Variants in SLC37A1 observed in about 807,000 individuals in gnomAD.
SLC37A1 encodes the protein glucose-6-phosphate exchanger SLC37A1.
A neutral mutation model predicts 75.3 loss-of-function variants in SLC37A1; 49 were observed. The observed-to-expected ratio is 0.65, with a 90% CI of 0.52 to 0.83. The LOEUF (loss-of-function observed/expected upper bound fraction) is 0.83, where lower values mean the gene tolerates loss of function less well. Among genes scored for constraint, SLC37A1 ranks in the 40% least tolerant of loss-of-function variants. The pLI is 0.00. For missense variants in SLC37A1, 566 were observed against 695.0 expected (o/e 0.81, Z 2.09); for synonymous variants, 268 against 292.1 (o/e 0.92, Z 0.84).
chr21:42,539,934 T>C (rs1269929858), intron 6 of SLC37A1, among the ~76,000 whole-genome samples: 1 of 152,208 alleles, frequency 6.6e-6, no homozygotes, highest in Non-Finnish European at 1.5e-5. Flanking sequence ...TCACTCTGTC[T>C]TCATGTGGAT....
chr21:42,499,928 C>G (rs2054325847), intron 1 of SLC37A1, among the ~76,000 whole-genome samples: 1 of 152,250 alleles, frequency 6.6e-6, no homozygotes, highest in Non-Finnish European at 1.5e-5. Flanking sequence ...ACTGTTGAAA[C>G]CACCCTGGGG....
At position 42,563,798 on chromosome 21, in the gene SLC37A1, C is replaced by T. The variant is rs373033650; in HGVS notation, c.1073-17C>T. ...AGGAGATCCTCACTGTTTCACACTC[C>T]GTTGTCATTTCAATAGATCACCTTG... On this transcript the variant is annotated splice_polypyrimidine_tract_variant and intron_variant, in intron 12 of 19. Coordinates refer to ENST00000352133, the MANE Select transcript of SLC37A1 (RefSeq NM_001320537.2). 24 of 1,613,674 alleles carry T rather than the reference C, an allele frequency of 1.5e-5. No homozygotes were observed. Among genetic ancestry groups the T allele is most frequent in the East Asian group, 1.3e-4 (6 of 44,904 alleles).
chr21:42,524,660 T>A (rs2054734916), intron 2 of SLC37A1, among the ~76,000 whole-genome samples: 1 of 152,270 alleles, frequency 6.6e-6, no homozygotes, highest in African/African-American at 2.4e-5. Context: ...ACTAAACATT[T>A]CATCGTGCTT....
At chr21:42,549,451 G>A (rs1031229301) in intron 9 of SLC37A1, among the ~76,000 whole-genome samples, 11 of 152,232 alleles carry the variant, frequency 7.2e-5, no homozygotes, top group Admixed American at 5.9e-4. Flanking sequence ...GTGCCCAGGT[G>A]TCCCCGACGT....
intron 17 of SLC37A1, among the ~76,000 whole-genome samples, chr21:42,569,969 GTTT>G (rs2056085892): frequency 2.6e-5 from 4 of 151,352 alleles, no homozygotes; most frequent in African/African-American, 9.7e-5. Flanking sequence ...CTTGTTCTGC[GTTT>G]CCTTGTTCTG....
chr21:42,530,652 A>ACCCCCC (rs905052485), intron 3 of SLC37A1, among the ~76,000 whole-genome samples: 48 of 25,066 alleles, frequency 1.9e-3, no homozygotes, highest in Non-Finnish European at 2.5e-3. Flanking sequence ...ACACACACAC[A>ACCCCCC]CACCCCCTCT....
intron 17 of SLC37A1, 80 bp from the exon 18 acceptor site, chr21:42,574,738 G>C: frequency 7.3e-7 from 1 of 1,364,754 alleles, no homozygotes; most frequent in Admixed American, 1.8e-5. Context: ...GAGGTGTTGA[G>C]CCCCATTCTC....
chr21:42,547,230 G>C lies in SLC37A1; in HGVS notation c.768+90G>C. 1 of 1,391,272 alleles carries C rather than the reference G, an allele frequency of 7.2e-7. No individual in the cohort carries two copies. Among genetic ancestry groups the C allele is most frequent in the Non-Finnish European group, 1.0e-6 (1 of 978,726 alleles). The allele number at this position is 1,391,272 out of a possible 1,614,324, so 86.2% of individuals were successfully genotyped here. The stretch of plus-strand genomic sequence containing the variant: ...GCTCCTGCCTGTGCGGTGTCAGACA[G>C]AAACACACAGGGTAGACAGAAGTCC... On this transcript the variant is annotated intron_variant, in intron 9 of 19. Coordinates refer to ENST00000352133, the MANE Select transcript of SLC37A1 (RefSeq NM_001320537.2). The surrounding 1 kb of genome is among the most constrained non-coding windows in gnomAD (Gnocchi z 6.1).
upstream of SLC37A1, among the ~76,000 whole-genome samples, chr21:42,508,897 G>C (rs1183001632): frequency 6.6e-6 from 1 of 152,150 alleles, no homozygotes; most frequent in African/African-American, 2.4e-5. Flanking sequence ...CCTTATAAAT[G>C]GGTGTTTGTC....
At chr21:42,558,505 T>TA (rs2055745697) in intron 10 of SLC37A1, among the ~76,000 whole-genome samples, 1 of 152,254 alleles carries the variant, frequency 6.6e-6, no homozygotes, top group African/African-American at 2.4e-5. Flanking sequence ...CATACGTAGA[T>TA]ATTTAAACAT....
rs200911388 is a variant in SLC37A1, at chr21:42,562,160, C to G, written c.1064C>G (p.Thr355Arg). The change falls in exon 12 of 20, where the codon ACG (threonine) becomes AGG (arginine). Residue 355 changes from threonine to arginine, a missense_variant. Coordinates refer to ENST00000352133, the MANE Select transcript of SLC37A1 (RefSeq NM_001320537.2). ...TFLFWLPLYI[T>R]NVDHLDAKKA... ...CTCTTCTGGCTGCCCCTGTACATCA[C>G]GAATGTGGGTGAGTATCCACGCTAG... 3.7e-6 allele frequency: 6 copies of G among 1,613,948 alleles called. No homozygotes were observed. Among genetic ancestry groups the G allele is most frequent in the East Asian group, 2.2e-5 (1 of 44,888 alleles).
chr21:42,576,924 T>A (rs2056320682), intron 18 of SLC37A1, among the ~76,000 whole-genome samples: 2 of 152,328 alleles, frequency 1.3e-5, no homozygotes, highest in Admixed American at 6.5e-5. Context: ...TGAGATGGCC[T>A]AAAGTTATCT....
intron 15 of SLC37A1, among the ~76,000 whole-genome samples, chr21:42,566,615 C>T (rs1010223284): frequency 6.6e-6 from 1 of 152,102 alleles, no homozygotes; most frequent in Non-Finnish European, 1.5e-5. Flanking sequence ...GAGTGTGAGC[C>T]TAGAGGAGAG....
chr21:42,500,467 A>T (rs984481256), intron 1 of SLC37A1, among the ~76,000 whole-genome samples: 1 of 152,320 alleles, frequency 6.6e-6, no homozygotes, highest in Non-Finnish European at 1.5e-5. Flanking sequence ...AGATATTCAT[A>T]ATGAGAGTAG....
rs565243708 is a variant in SLC37A1 at position 42,575,132 on chromosome 21, G to A, written c.1521+217G>A. On this transcript the variant is annotated intron_variant, in intron 18 of 19. Transcript: ENST00000352133. ...ACAGTCTTGCTCTGCAGCCTTGGGCGGGATAGCACAAAGGCCAGGAGCGTG... is the reference window on the plus strand; with the variant it reads ...ACAGTCTTGCTCTGCAGCCTTGGGCAGGATAGCACAAAGGCCAGGAGCGTG... The A allele has an allele frequency of 2.4e-4, 237 of 985,468 alleles. No homozygotes were observed. In the African/African-American group the frequency reaches 3.2e-3, roughly 13 times the overall value. 61.0% of individuals were successfully genotyped at this position (985,468 alleles called of 1,614,324 possible). A position where few individuals can be genotyped will look rare whatever the true frequency, so the allele number is the denominator to read the frequency against.
At chr21:42,517,411 C>T (rs1046745400) in intron 1 of SLC37A1, among the ~76,000 whole-genome samples, 2 of 152,082 alleles carry the variant, frequency 1.3e-5, no homozygotes, top group Non-Finnish European at 2.9e-5. Context: ...AGATGAGGGG[C>T]GGCTCCTGGG....
rs574664617 is a variant in SLC37A1, at chr21:42,566,932, G to A, written c.1271-53G>A. On this transcript the variant is annotated intron_variant, in intron 15 of 19. Coordinates refer to ENST00000352133, the MANE Select transcript of SLC37A1 (RefSeq NM_001320537.2). ...CCCACCTCAGGCTGCTCCTATGCAT[G>A]CGGGGCTCTCTGGAGGGCACATTTC... is the stretch of plus-strand genomic sequence containing the variant. The A allele has an allele frequency of 1.1e-4, 169 of 1,569,768 alleles. No homozygotes were observed. The African/African-American group carries it at 2.0e-3, about 19-fold the overall frequency.
In SLC37A1 at chr21:42,514,916, C is replaced by T. The variant is rs1388707517; in HGVS notation, c.-179+199C>T. On this transcript the variant is annotated intron_variant, in intron 1 of 19. Transcript: ENST00000352133. The surrounding 1 kb of genome is among the most constrained non-coding windows in gnomAD (Gnocchi z 4.8). ...GCCTGCCTGCCTGCCGGCCCTTGAACTTAAATCGTCTGAAGTTGTGTAAGT... is the reference window on the plus strand; with the variant it reads ...GCCTGCCTGCCTGCCGGCCCTTGAATTTAAATCGTCTGAAGTTGTGTAAGT... 1 of 152,458 alleles carries T rather than the reference C, an allele frequency of 6.6e-6. No homozygotes were observed. The highest frequency in any genetic ancestry group is 1.5e-5 in the Non-Finnish European group (1 of 68,218). 9.4% of individuals were successfully genotyped at this position (152,458 alleles called of 1,614,324 possible).
At chr21:42,500,813 G>A (rs142985028) in intron 1 of SLC37A1, among the ~76,000 whole-genome samples, 5 of 152,184 alleles carry the variant, frequency 3.3e-5, no homozygotes, top group East Asian at 1.9e-4. Flanking sequence ...ATTCTTAAGC[G>A]TAAGTAGGTA....
Sources: allele counts gnomAD v4.1 joint callset (sites outside exome capture counted in the v4.1 genomes callset), GRCh38; gene constraint gnomAD v4.1.1; non-coding constraint Gnocchi (gnomAD v3.1); transcripts MANE v1.5; gene names NCBI Gene and HGNC (gene_info 2026-07-23, HGNC 2026-07-21).